CDH18: variants seen among roughly 807,000 people sequenced by gnomAD.
CDH18 encodes cadherin 18.
In CDH18, 31 loss-of-function variants were observed where a neutral mutation model predicts 67.9. That is an observed-to-expected ratio of 0.46 (90% CI 0.34 to 0.62). The LOEUF is 0.62. Among genes scored for constraint, CDH18 ranks in the 20% least tolerant of loss-of-function variants. CDH18 has a pLI of 0.01. For synonymous variants in CDH18, 362 were observed against 347.2 expected (o/e 1.04, Z -0.48); for missense variants, 890 against 975.5 (o/e 0.91, Z 1.17).
At chr5:19,599,043 T>C (rs1296857423) in intron 6 of CDH18, among the ~76,000 whole-genome samples, 3 of 152,176 alleles carry the variant, frequency 2.0e-5, no homozygotes, top group South Asian at 2.1e-4. Context: ...TTAAAAATCA[T>C]ATGACTCAAT....
chr5:19,509,855 TC>T (rs1403227059), intron 10 of CDH18, among the ~76,000 whole-genome samples: 1 of 152,160 alleles, frequency 6.6e-6, no homozygotes, highest in Non-Finnish European at 1.5e-5. Flanking sequence ...TGCATGCCTT[TC>T]TTTTTAATAT....
intron 4 of CDH18, among the ~76,000 whole-genome samples, chr5:19,742,549 C>T (rs569718577): frequency 3.5e-4 from 54 of 152,188 alleles, no homozygotes; most frequent in Admixed American, 3.1e-3. Flanking sequence ...TCACTGAGGA[C>T]GTCTTCTCTC....
intron 4 of CDH18, among the ~76,000 whole-genome samples, chr5:19,743,798 G>A (rs1769564238): frequency 6.6e-6 from 1 of 151,932 alleles, no homozygotes. Flanking sequence ...GCACACGCCT[G>A]TAATCCCAGC....
chr5:20,270,210 T>C (rs573727842), intron 1 of CDH18, among the ~76,000 whole-genome samples: 2 of 152,060 alleles, frequency 1.3e-5, no homozygotes, highest in African/African-American at 4.8e-5. Flanking sequence ...TGAATCTTGA[T>C]AGGATATTGA....
intron 8 of CDH18, among the ~76,000 whole-genome samples, chr5:19,567,219 C>G (rs1740563916): frequency 6.6e-6 from 1 of 152,066 alleles, no homozygotes; most frequent in South Asian, 2.1e-4. Flanking sequence ...TTTATATATA[C>G]TTTATATTGC....
intron 1 of CDH18, among the ~76,000 whole-genome samples, chr5:20,408,082 T>A (rs898272107): frequency 1.3e-5 from 2 of 151,936 alleles, no homozygotes; most frequent in African/African-American, 4.8e-5. Flanking sequence ...CAGTAGAAAC[T>A]TTTTAGGCCA....
chr5:19,482,105 T>G (rs1285219247), intron 12 of CDH18, among the ~76,000 whole-genome samples: 1 of 151,910 alleles, frequency 6.6e-6, no homozygotes, highest in East Asian at 1.9e-4. Flanking sequence ...AATAAAAAAT[T>G]TATTTTATTT....
chr5:20,493,852 G>A (rs892546956), intron 1 of CDH18, among the ~76,000 whole-genome samples: 1 of 152,094 alleles, frequency 6.6e-6, no homozygotes, highest in East Asian at 1.9e-4. Flanking sequence ...TCAAGCTTCT[G>A]GTGTTACATC....
intron 1 of CDH18, among the ~76,000 whole-genome samples, chr5:20,468,630 T>A (rs1028471642): frequency 6.6e-6 from 1 of 152,240 alleles, no homozygotes; most frequent in Admixed American, 6.5e-5. Flanking sequence ...AAGTATTTTC[T>A]AGCAACCTTC....
At chr5:20,472,444 G>A (rs1752156077) in intron 1 of CDH18, among the ~76,000 whole-genome samples, 1 of 152,132 alleles carries the variant, frequency 6.6e-6, no homozygotes, top group African/African-American at 2.4e-5. Flanking sequence ...ACCACCTTGT[G>A]CCTGATGTAC....
chr5:19,921,377 A>G (rs1346925771), intron 2 of CDH18, among the ~76,000 whole-genome samples: 4 of 152,014 alleles, frequency 2.6e-5, no homozygotes, highest in African/African-American at 7.2e-5. Flanking sequence ...TAAAAATACA[A>G]ATAATTAGCC....
rs556797835 is a variant in CDH18 at position 20,509,960 on chromosome 5, C to T, written c.-580+65502G>A. ...GTTTTATTTTTAATATTTTGAGGAA[C>T]CTCCATATGGTTTTCATAATGGCTG... On this transcript the variant is annotated intron_variant, in intron 1 of 14. Transcript: ENST00000507958. Among the ~76,000 whole-genome samples the T allele has an allele frequency of 2.4e-4, 36 of 152,226 alleles. 2 individuals carry two copies. The highest frequency in any genetic ancestry group is 2.1e-3 in the Admixed American group (32 of 15,270).
intron 5 of CDH18, among the ~76,000 whole-genome samples, chr5:19,695,198 T>C (rs1352057598): frequency 6.6e-6 from 1 of 152,124 alleles, no homozygotes; most frequent in Non-Finnish European, 1.5e-5. Context: ...GCATAGAAAA[T>C]AATGCAGTAA....
chr5:20,395,733 T>A (rs78919914), intron 1 of CDH18, among the ~76,000 whole-genome samples: 1,561 of 152,272 alleles, frequency 0.01, 22 homozygotes, highest in African/African-American at 0.036. Context: ...TCTCTACTAA[T>A]TAGCTTCAAA....
intron 1 of CDH18, among the ~76,000 whole-genome samples, chr5:20,471,694 C>T (rs1454051801): frequency 4.0e-5 from 6 of 151,370 alleles, no homozygotes; most frequent in East Asian, 2.0e-4. Flanking sequence ...CCCAGCTACT[C>T]GGGATGCTGA....
At chr5:20,305,537 C>A in intron 1 of CDH18, 1 of 808,250 alleles carries the variant, frequency 1.2e-6, no homozygotes, top group South Asian at 1.4e-5. Context: ...GGGTCTCGAG[C>A]GGCTGGTGGT....
chr5:20,250,355 C>T (rs1202031962), intron 2 of CDH18, among the ~76,000 whole-genome samples: 1 of 151,744 alleles, frequency 6.6e-6, no homozygotes, highest in Non-Finnish European at 1.5e-5. Context: ...TGCAGCCGTG[C>T]GATCAAGGCT....
At chr5:19,869,480 AT>A (rs1279408943) in intron 2 of CDH18, among the ~76,000 whole-genome samples, 4 of 152,154 alleles carry the variant, frequency 2.6e-5, no homozygotes, top group African/African-American at 9.7e-5. Flanking sequence ...AAGTATAAGC[AT>A]TATATACAAT....
chr5:19,802,154 T>C (rs1325213155), intron 3 of CDH18, among the ~76,000 whole-genome samples: 1 of 152,158 alleles, frequency 6.6e-6, no homozygotes, highest in Non-Finnish European at 1.5e-5. Flanking sequence ...TTCTTTCTGC[T>C]TGGTGTTCTT....
Sources: gnomAD v4.1 joint callset for allele counts (sites outside exome capture counted in the v4.1 genomes callset) on GRCh38, gnomAD v4.1.1 for gene constraint, MANE v1.5 for transcripts, NCBI Gene and HGNC (gene_info 2026-07-23, HGNC 2026-07-21) for gene names.